Variants in NLGN1 observed in about 807,000 individuals in gnomAD.
The protein encoded by NLGN1 is neuroligin-1.
Under a neutral mutation model 65.5 loss-of-function variants are expected in NLGN1, and 12 were observed. The observed-to-expected ratio is 0.18, with a 90% CI of 0.12 to 0.30. NLGN1 has a LOEUF of 0.30. NLGN1 is among the 10% of genes least tolerant of loss of function. NLGN1 has a pLI of 1.00. For synonymous variants in NLGN1, 350 were observed against 359.5 expected (o/e 0.97, Z 0.30); for missense variants, 750 against 1,007.1 (o/e 0.74, Z 3.46).
chr3:173,851,009 T>C (rs1483198234), intron 4 of NLGN1, among the ~76,000 whole-genome samples: 1 of 152,128 alleles, frequency 6.6e-6, no homozygotes, highest in Non-Finnish European at 1.5e-5. Context: ...CCTCCCAAAG[T>C]GCTGGGATTA....
chr3:174,024,141 TAAAAAAAAAAAA>T (rs34508881), intron 4 of NLGN1, among the ~76,000 whole-genome samples: 8 of 86,036 alleles, frequency 9.3e-5, no homozygotes, highest in African/African-American at 3.5e-4. Context: ...AGAGTCCTAT[TAAAAAAAAAAAA>T]AAAAAAAAAA....
At chr3:173,496,082 A>T (rs1367568561) in intron 2 of NLGN1, among the ~76,000 whole-genome samples, 1 of 151,590 alleles carries the variant, frequency 6.6e-6, no homozygotes, top group Non-Finnish European at 1.5e-5. Context: ...TGTGCTACCA[A>T]TTATACTTGG....
intron 4 of NLGN1, among the ~76,000 whole-genome samples, chr3:173,938,310 T>C (rs1030751665): frequency 1.3e-5 from 2 of 152,126 alleles, no homozygotes; most frequent in Non-Finnish European, 2.9e-5. Context: ...TGCCCCTCCA[T>C]AGCAGAAAAT....
At chr3:173,720,758 T>C (rs2150001316) in intron 3 of NLGN1, among the ~76,000 whole-genome samples, 1 of 152,334 alleles carries the variant, frequency 6.6e-6, no homozygotes, top group East Asian at 1.9e-4. Context: ...TTTAGACCAA[T>C]ATTATTGGAT....
At chr3:173,782,678 A>G (rs1369249292) in intron 3 of NLGN1, among the ~76,000 whole-genome samples, 2 of 140,172 alleles carry the variant, frequency 1.4e-5, no homozygotes, top group Non-Finnish European at 3.1e-5. Flanking sequence ...TTTATTGTGT[A>G]CTCAAAGCTT....
At chr3:173,747,801 C>CTTCTTTTTTT (rs1775714048) in intron 3 of NLGN1, among the ~76,000 whole-genome samples, 2 of 64,422 alleles carry the variant, frequency 3.1e-5, no homozygotes, top group African/African-American at 1.2e-4. Flanking sequence ...TCTTCTTGTT[C>CTTCTTTTTTT]TTTTTTTTTT....
intron 4 of NLGN1, among the ~76,000 whole-genome samples, chr3:174,128,642 C>T (rs899916532): frequency 3.3e-5 from 5 of 152,108 alleles, no homozygotes; most frequent in Non-Finnish European, 7.3e-5. Context: ...AAGTGACTGA[C>T]CTTAGACAAC....
intron 4 of NLGN1, among the ~76,000 whole-genome samples, chr3:173,808,107 T>C (rs1717055524): frequency 6.6e-6 from 1 of 152,068 alleles, no homozygotes; most frequent in Admixed American, 6.6e-5. Context: ...TGAAGAAGAG[T>C]ACATCTTTGA....
intron 1 of NLGN1, among the ~76,000 whole-genome samples, chr3:173,400,790 T>G (rs1717539294): frequency 6.6e-6 from 1 of 152,228 alleles, no homozygotes; most frequent in African/African-American, 2.4e-5. Flanking sequence ...AAATGATAGC[T>G]TACCTTTATG....
chr3:173,507,944 A>C (rs1265184360), intron 2 of NLGN1, among the ~76,000 whole-genome samples: 1 of 152,198 alleles, frequency 6.6e-6, no homozygotes, highest in African/African-American at 2.4e-5. Context: ...AACTGTAAAA[A>C]GAGGGTGTTA....
intron 4 of NLGN1, among the ~76,000 whole-genome samples, chr3:174,172,029 T>G (rs2152734841): frequency 6.6e-6 from 1 of 152,270 alleles, no homozygotes; most frequent in South Asian, 2.1e-4. Flanking sequence ...TTTGGATCTT[T>G]GCATGCCAAG....
chr3:173,524,627 T>A (rs1735330067), intron 2 of NLGN1, among the ~76,000 whole-genome samples: 1 of 152,192 alleles, frequency 6.6e-6, no homozygotes, highest in Admixed American at 6.5e-5. Context: ...AGAGTGAATA[T>A]TCTTGTCTTA....
intron 2 of NLGN1, chr3:173,584,806 G>C (rs1747069862): frequency 6.6e-6 from 1 of 151,324 alleles, no homozygotes; most frequent in African/African-American, 2.4e-5. Context: ...TGCAAAACTG[G>C]GGTTGCGGAT....
At chr3:173,519,321 C>T (rs912412040) in intron 2 of NLGN1, among the ~76,000 whole-genome samples, 1 of 152,192 alleles carries the variant, frequency 6.6e-6, no homozygotes, top group South Asian at 2.1e-4. Flanking sequence ...CCCATTGGGA[C>T]ACTGCCTAAG....
intron 4 of NLGN1, among the ~76,000 whole-genome samples, chr3:173,869,119 A>G (rs530078461): frequency 1.3e-5 from 2 of 152,168 alleles, no homozygotes; most frequent in Non-Finnish European, 2.9e-5. Flanking sequence ...GTTAATTCCA[A>G]CTGCAGAAGA....
intron 1 of NLGN1, among the ~76,000 whole-genome samples, chr3:173,420,236 C>T (rs1341636223): frequency 6.6e-6 from 1 of 152,052 alleles, no homozygotes; most frequent in South Asian, 2.1e-4. Flanking sequence ...CTCCTCCCAC[C>T]CCACAACAGT....
intron 4 of NLGN1, among the ~76,000 whole-genome samples, chr3:173,948,808 A>G (rs1747671153): frequency 6.6e-6 from 1 of 152,186 alleles, no homozygotes; most frequent in South Asian, 2.1e-4. Context: ...TTATTTTCGA[A>G]TGATTCCATG....
intron 2 of NLGN1, among the ~76,000 whole-genome samples, chr3:173,490,193 C>T (rs1345495027): frequency 6.6e-6 from 1 of 152,152 alleles, no homozygotes; most frequent in South Asian, 2.1e-4. Context: ...TTTTTTATTG[C>T]CTAGGTTTTC....
At chr3:173,530,528 T>G (rs1187248965) in intron 2 of NLGN1, among the ~76,000 whole-genome samples, 1 of 152,230 alleles carries the variant, frequency 6.6e-6, no homozygotes, top group Non-Finnish European at 1.5e-5. Flanking sequence ...CTGAGGTGAG[T>G]TTAGTTAAAT....
Sources: allele counts gnomAD v4.1 joint callset (sites outside exome capture counted in the v4.1 genomes callset), GRCh38; gene constraint gnomAD v4.1.1; transcripts MANE v1.5; gene names NCBI Gene and HGNC (gene_info 2026-07-23, HGNC 2026-07-21).